The following ANKRD12 variants were observed in gnomAD, a reference collection of about 807,000 sequenced individuals.
The protein encoded by ANKRD12 is ankyrin repeat domain 12.
A neutral mutation model predicts 183.4 loss-of-function variants in ANKRD12; 85 were observed. The ratio of observed to expected loss-of-function variants is 0.46; its 90% confidence interval spans 0.39 to 0.56. The LOEUF is 0.56. Ranked by LOEUF, ANKRD12 falls within the 20% of genes least tolerant of loss-of-function variation. The pLI is 0.00. For synonymous variants in ANKRD12, 914 were observed against 800.2 expected (o/e 1.14, Z -2.40); for missense variants, 2,405 against 2,357.1 (o/e 1.02, Z -0.42).
intron 1 of ANKRD12, among the ~76,000 whole-genome samples, chr18:9,168,656 T>C (rs1465506254): frequency 6.6e-6 from 1 of 152,202 alleles, no homozygotes; most frequent in Non-Finnish European, 1.5e-5. Flanking sequence ...TTTGTTGATC[T>C]TTTCAGAAAA....
At chr18:9,197,626 T>C (rs924413216) in intron 3 of ANKRD12, among the ~76,000 whole-genome samples, 5 of 152,166 alleles carry the variant, frequency 3.3e-5, no homozygotes, top group Admixed American at 1.3e-4. Context: ...TGACGTGTTA[T>C]ATTATTATAT....
intron 1 of ANKRD12, among the ~76,000 whole-genome samples, chr18:9,168,125 A>G (rs1461970690): frequency 1.3e-5 from 2 of 152,070 alleles, no homozygotes; most frequent in African/African-American, 4.8e-5. Context: ...TTTGCCAGTA[A>G]TTTATCGAGG....
intron 1 of ANKRD12, among the ~76,000 whole-genome samples, chr18:9,179,526 G>T (rs2033541689): frequency 6.6e-6 from 1 of 151,924 alleles, no homozygotes; most frequent in African/African-American, 2.4e-5. Context: ...ATTTTTTTGA[G>T]GGGGGCAGGG....
At position 9,190,470 on chromosome 18, in the gene ANKRD12, C is replaced by A. The variant is rs9958835; in HGVS notation, c.88-5081C>A. 1.4e-3 allele frequency among the ~76,000 whole-genome samples: 208 copies of A among 152,236 alleles called. 1 individual carries two copies. The East Asian group carries it at 0.034, about 25-fold the overall frequency. On this transcript the variant is annotated intron_variant, in intron 2 of 12. Coordinates refer to ENST00000262126, the MANE Select transcript of ANKRD12 (RefSeq NM_015208.5). ...ATAATTTAGTATATTACATAAACTT[C>A]GTTGATAAAACAGCAGCAGAGTTAA...
intron 4 of ANKRD12, among the ~76,000 whole-genome samples, chr18:9,208,311 AAG>A (rs1355496074): frequency 1.3e-5 from 2 of 152,220 alleles, no homozygotes; most frequent in Admixed American, 6.5e-5. Context: ...TAGTGAATAA[AAG>A]AGGTTTCAAA....
At position 9,208,794 on chromosome 18, in the gene ANKRD12, A is replaced by G; in HGVS notation, c.442A>G (p.Asn148Asp). 1 of 1,599,396 alleles carries G rather than the reference A, an allele frequency of 6.3e-7. No homozygotes were observed. Among genetic ancestry groups the G allele is most frequent in the Non-Finnish European group, 8.5e-7 (1 of 1,173,020 alleles). Residue 148 changes from asparagine to aspartate, a missense_variant, in exon 5 of 13, where the codon AAC (asparagine) becomes GAC (aspartate). Transcript: ENST00000262126. The stretch of plus-strand genomic sequence containing the variant: ...TCTTATGCAGATGACAGCAAGAGAC[A>G]ACAGTCCAGGTGATACCTACCATCA... Reference protein sequence around the residue: ...ALLMQMTARDNSPDSTPNHPS... With the variant: ...ALLMQMTARDDSPDSTPNHPS...
In ANKRD12 at chr18:9,232,641, A is replaced by G. The variant is rs868336989; in HGVS notation, c.943+10642A>G. ...GGAACACTGGGCCTCCTGCATCTGAATGTCTGAATCTCTTGCTAGACTTGG... is the reference window on the plus strand; with the variant it reads ...GGAACACTGGGCCTCCTGCATCTGAGTGTCTGAATCTCTTGCTAGACTTGG... On this transcript the variant is annotated intron_variant, in intron 8 of 12. Coordinates refer to ENST00000262126, the MANE Select transcript of ANKRD12 (RefSeq NM_015208.5). Among the ~76,000 whole-genome samples the G allele has an allele frequency of 7.2e-5, 11 of 152,302 alleles. No homozygotes were observed. In the South Asian group the frequency reaches 1.2e-3, roughly 17 times the overall value.
chr18:9,150,208 C>T (rs2078640752), intron 1 of ANKRD12, among the ~76,000 whole-genome samples: 1 of 152,108 alleles, frequency 6.6e-6, no homozygotes, highest in Admixed American at 6.6e-5. Flanking sequence ...CTGGATTGAG[C>T]TTGTGTCCTA....
At chr18:9,262,816 T>TTG (rs1555639884) in intron 9 of ANKRD12, among the ~76,000 whole-genome samples, 2 of 133,934 alleles carry the variant, frequency 1.5e-5, no homozygotes, top group African/African-American at 6.0e-5. Context: ...TTTTTTTTTT[T>TTG]GAGACAGAGT....
At chr18:9,167,695 T>C (rs1488538258) in intron 1 of ANKRD12, among the ~76,000 whole-genome samples, 9 of 152,192 alleles carry the variant, frequency 5.9e-5, no homozygotes, top group African/African-American at 2.2e-4. Context: ...TTTTCCTAAT[T>C]GAATACCCTT....
intron 1 of ANKRD12, among the ~76,000 whole-genome samples, chr18:9,154,533 G>T (rs1366169220): frequency 6.6e-6 from 1 of 152,166 alleles, no homozygotes; most frequent in Admixed American, 6.6e-5. Context: ...GGCCAGCCTG[G>T]GCAACATAGT....
intron 1 of ANKRD12, among the ~76,000 whole-genome samples, chr18:9,164,815 G>T (rs2031858123): frequency 6.6e-6 from 1 of 152,008 alleles, no homozygotes; most frequent in Non-Finnish European, 1.5e-5. Context: ...TAATAATTGT[G>T]ATTATGTAAT....
chr18:9,186,750 C>CTTTTTTTT (rs759387137), intron 2 of ANKRD12, among the ~76,000 whole-genome samples: 1 of 117,274 alleles, frequency 8.5e-6, no homozygotes. Context: ...CTTTGATTGT[C>CTTTTTTTT]TTTTTTTTTT....
intron 3 of ANKRD12, among the ~76,000 whole-genome samples, chr18:9,199,387 A>C (rs2035035662): frequency 6.6e-6 from 1 of 152,240 alleles, no homozygotes; most frequent in African/African-American, 2.4e-5. Flanking sequence ...TACTGTGTGT[A>C]TATACGTGCA....
At chr18:9,166,539 A>T (rs2032088354) in intron 1 of ANKRD12, among the ~76,000 whole-genome samples, 1 of 152,116 alleles carries the variant, frequency 6.6e-6, no homozygotes, top group Non-Finnish European at 1.5e-5. Flanking sequence ...GTGTCTGTTC[A>T]TATCCTTCAC....
intron 3 of ANKRD12, among the ~76,000 whole-genome samples, chr18:9,196,189 T>TACACACACACACACACACAC (rs34220366): frequency 9.1e-4 from 47 of 51,668 alleles, no homozygotes; most frequent in African/African-American, 3.1e-3. Flanking sequence ...ATAGAATTTT[T>TACACACACACACACACACAC]ACACACACAC....
intron 8 of ANKRD12, chr18:9,239,426 C>T: frequency 1.1e-6 from 1 of 879,090 alleles, no homozygotes; most frequent in Non-Finnish European, 1.6e-6. Context: ...TTTTGATTTT[C>T]ACTGATCTTG....
At chr18:9,181,170 T>G (rs2033672172) in intron 1 of ANKRD12, among the ~76,000 whole-genome samples, 1 of 152,186 alleles carries the variant, frequency 6.6e-6, no homozygotes, top group African/African-American at 2.4e-5. Flanking sequence ...AATGAAAGAT[T>G]TGAACCATTT....
intron 1 of ANKRD12, among the ~76,000 whole-genome samples, chr18:9,177,313 G>GCCCGT (rs997267126): frequency 6.6e-6 from 1 of 152,102 alleles, no homozygotes; most frequent in African/African-American, 2.4e-5. Flanking sequence ...ATGCATCATT[G>GCCCGT]CCCGTCCCCT....
Sources: allele counts gnomAD v4.1 joint callset (sites outside exome capture counted in the v4.1 genomes callset), GRCh38; gene constraint gnomAD v4.1.1; transcripts MANE v1.5; gene names NCBI Gene and HGNC (gene_info 2026-07-23, HGNC 2026-07-21).